Variants in LRFN5 observed in about 807,000 individuals in gnomAD.
The protein encoded by LRFN5 is leucine rich repeat and fibronectin type III domain containing 5.
LRFN5 carries 24 observed loss-of-function variants against 45.6 expected under a neutral mutation model. The observed-to-expected ratio is 0.53, with a 90% CI of 0.38 to 0.74. The LOEUF is 0.74. Among genes scored for constraint, LRFN5 ranks in the 30% least tolerant of loss-of-function variants. The probability of loss-of-function intolerance (pLI) is 0.00; values close to 1 mark genes in which losing one functional copy is unlikely to be tolerated. For missense variants in LRFN5, 776 were observed against 861.5 expected (o/e 0.90, Z 1.24); for synonymous variants, 340 against 313.8 (o/e 1.08, Z -0.88).
At chr14:41,637,465 T>C (rs780386783) in intron 1 of LRFN5, among the ~76,000 whole-genome samples, 1 of 152,118 alleles carries the variant, frequency 6.6e-6, no homozygotes, top group Non-Finnish European at 1.5e-5. Context: ...CTTTATTAAA[T>C]CCAGAATTTT....
chr14:41,812,114 A>G (rs1887757533), intron 2 of LRFN5, among the ~76,000 whole-genome samples: 1 of 152,094 alleles, frequency 6.6e-6, no homozygotes, highest in Non-Finnish European at 1.5e-5. Flanking sequence ...CTTATTATAA[A>G]CTAATTAAAT....
At chr14:41,779,494 G>A (rs949920600) in intron 2 of LRFN5, among the ~76,000 whole-genome samples, 5 of 151,876 alleles carry the variant, frequency 3.3e-5, no homozygotes, top group Non-Finnish European at 7.4e-5. Flanking sequence ...CACATAGAAT[G>A]AGTTAAGAAG....
chr14:41,799,988 G>A (rs1305748817), intron 2 of LRFN5, among the ~76,000 whole-genome samples: 1 of 151,402 alleles, frequency 6.6e-6, no homozygotes, highest in Non-Finnish European at 1.5e-5. Flanking sequence ...GGGAAGGGAA[G>A]GAAAAATTTA....
intron 1 of LRFN5, among the ~76,000 whole-genome samples, chr14:41,654,687 GAA>G (rs1315304316): frequency 6.6e-6 from 1 of 152,044 alleles, no homozygotes; most frequent in Non-Finnish European, 1.5e-5. Context: ...GGTAGAATAA[GAA>G]GAGATAATTT....
At chr14:41,656,239 A>C (rs1423097339) in intron 1 of LRFN5, among the ~76,000 whole-genome samples, 1 of 151,994 alleles carries the variant, frequency 6.6e-6, no homozygotes, top group Non-Finnish European at 1.5e-5. Context: ...AAAATTAAAA[A>C]ATATCCAGAT....
chr14:41,664,334 A>T (rs770402425), intron 1 of LRFN5, among the ~76,000 whole-genome samples: 20 of 151,962 alleles, frequency 1.3e-4, no homozygotes, highest in Non-Finnish European at 2.8e-4. Flanking sequence ...GATATTGCTT[A>T]TATCAATTTT....
At chr14:41,661,261 T>C (rs866074259) in intron 1 of LRFN5, among the ~76,000 whole-genome samples, 84 of 152,096 alleles carry the variant, frequency 5.5e-4, no homozygotes, top group African/African-American at 1.9e-3. Context: ...GTAGAAAAGA[T>C]AGGTCTCTTA....
intron 2 of LRFN5, among the ~76,000 whole-genome samples, chr14:41,834,323 T>A (rs1178476381): frequency 6.6e-6 from 1 of 152,214 alleles, no homozygotes; most frequent in Admixed American, 6.5e-5. Flanking sequence ...TGTGTTGGTT[T>A]ATTCATTTAC....
intron 1 of LRFN5, among the ~76,000 whole-genome samples, chr14:41,613,379 C>A (rs2138541814): frequency 6.6e-6 from 1 of 152,076 alleles, no homozygotes; most frequent in Non-Finnish European, 1.5e-5. Flanking sequence ...AACCATGGCA[C>A]ATATTTACCT....
intron 2 of LRFN5, among the ~76,000 whole-genome samples, chr14:41,858,496 G>T (rs1889550551): frequency 6.7e-6 from 1 of 148,502 alleles, no homozygotes; most frequent in Non-Finnish European, 1.5e-5. Context: ...CATTGCTCTA[G>T]TAAGTTTTTT....
chr14:41,839,324 T>TA (rs1555325273), intron 2 of LRFN5, among the ~76,000 whole-genome samples: 16 of 151,902 alleles, frequency 1.1e-4, no homozygotes, highest in East Asian at 7.7e-4. Context: ...AGATTTTTTT[T>TA]AAAAAAAGAA....
chr14:41,830,839 G>C (rs1888452516), intron 2 of LRFN5, among the ~76,000 whole-genome samples: 1 of 152,178 alleles, frequency 6.6e-6, no homozygotes, highest in Non-Finnish European at 1.5e-5. Context: ...TGGAACAAGG[G>C]AAGCCAGGAC....
intron 2 of LRFN5, among the ~76,000 whole-genome samples, chr14:41,805,421 TATTATTATTATACTTTAAGTTTTAG>T (rs1448704860): frequency 2.7e-5 from 4 of 150,184 alleles, no homozygotes; most frequent in Non-Finnish European, 4.4e-5. Context: ...TTTATTTATT[TATTATTATTATACTTTAAGTTTTAG>T]GGTAAATGTG....
chr14:41,825,383 C>T (rs1229091690), intron 2 of LRFN5, among the ~76,000 whole-genome samples: 1 of 152,208 alleles, frequency 6.6e-6, no homozygotes, highest in Non-Finnish European at 1.5e-5. Flanking sequence ...GAGCCCAGAG[C>T]GATGCTCATG....
At chr14:41,751,386 A>G (rs1594673770) in intron 1 of LRFN5, among the ~76,000 whole-genome samples, 1 of 152,126 alleles carries the variant, frequency 6.6e-6, no homozygotes, top group East Asian at 1.9e-4. Flanking sequence ...AAATTAGAAT[A>G]TATTGAAAAA....
chr14:41,877,510 A>G (rs1329447826), intron 2 of LRFN5, among the ~76,000 whole-genome samples: 1 of 152,050 alleles, frequency 6.6e-6, no homozygotes, highest in Non-Finnish European at 1.5e-5. Context: ...ATCTTCAATA[A>G]ATGATAATTA....
At chr14:41,828,890 G>A (rs1307716664) in intron 2 of LRFN5, among the ~76,000 whole-genome samples, 4 of 151,784 alleles carry the variant, frequency 2.6e-5, no homozygotes, top group Admixed American at 1.3e-4. Flanking sequence ...CCTTACAACA[G>A]GCATCAGATT....
At chr14:41,851,033 A>G (rs1417158825) in intron 2 of LRFN5, among the ~76,000 whole-genome samples, 2 of 151,816 alleles carry the variant, frequency 1.3e-5, no homozygotes, top group African/African-American at 2.4e-5. Context: ...TGTGTAACAT[A>G]GTATCTTATG....
rs577220952 is a variant in LRFN5 at position 41,710,783 on chromosome 14, C to T, written c.-196-56071C>T. Among the ~76,000 whole-genome samples, 11 of 151,954 alleles carry T rather than the reference C, an allele frequency of 7.2e-5. No homozygotes were observed. The South Asian group carries it at 1.3e-3, about 17-fold the overall frequency. ...ATCCCTCCCCCGTCCCCCGACCCCA[C>T]GACAGGCCCCGGTGTGTGATGTTCC... On this transcript the variant is annotated intron_variant, in intron 1 of 5. Coordinates refer to ENST00000298119, the MANE Select transcript of LRFN5 (RefSeq NM_152447.5).
Sources: allele counts gnomAD v4.1 joint callset (sites outside exome capture counted in the v4.1 genomes callset), GRCh38; gene constraint gnomAD v4.1.1; transcripts MANE v1.5; gene names NCBI Gene and HGNC (gene_info 2026-07-23, HGNC 2026-07-21).